Variants in ZDHHC15 observed in about 807,000 individuals in gnomAD.
ZDHHC15 encodes zDHHC palmitoyltransferase 15, also known as palmitoyltransferase ZDHHC15.
A neutral mutation model predicts 31.7 loss-of-function variants in ZDHHC15; 19 were observed. That is an observed-to-expected ratio of 0.60 (90% CI 0.42 to 0.88). The LOEUF is 0.88. Among genes scored for constraint, ZDHHC15 ranks in the 40% least tolerant of loss-of-function variants. The pLI is 0.00. For missense variants in ZDHHC15, 209 were observed against 251.2 expected, an observed-to-expected ratio of 0.83 and a Z score of 1.14; for synonymous variants, 103 against 90.0, an observed-to-expected ratio of 1.14 and a Z score of -0.82.
intron 7 of ZDHHC15, among the ~76,000 whole-genome samples, chrX:75,428,173 G>T (rs184540021): frequency 9.0e-6 from 1 of 110,944 alleles, no homozygotes; most frequent in African/African-American, 3.3e-5. Context: ...TGATATTCAG[G>T]TTCAGTTTGG....
intron 10 of ZDHHC15, among the ~76,000 whole-genome samples, chrX:75,397,991 T>C (rs1471072325): frequency 1.8e-5 from 2 of 111,855 alleles, no homozygotes; most frequent in Non-Finnish European, 3.8e-5. Flanking sequence ...CTTAGAAACT[T>C]GGGCGTTTCA....
chrX:75,513,613 C>T (rs1388048173), intron 1 of ZDHHC15, among the ~76,000 whole-genome samples: 2 of 111,498 alleles, frequency 1.8e-5, no homozygotes, highest in African/African-American at 6.5e-5. Flanking sequence ...CTCTAATATA[C>T]AGCCTATATC....
chrX:75,433,500 G>A (rs1434669841), intron 4 of ZDHHC15, among the ~76,000 whole-genome samples: 1 of 109,389 alleles, frequency 9.1e-6, no homozygotes, highest in Admixed American at 9.9e-5. Flanking sequence ...TCATAGCTTA[G>A]CTCTCACTCA....
At chrX:75,436,335 A>T (rs997234711) in intron 4 of ZDHHC15, among the ~76,000 whole-genome samples, 7 of 111,280 alleles carry the variant, frequency 6.3e-5, no homozygotes, top group Non-Finnish European at 1.1e-4. Context: ...AATTTCATTT[A>T]GTTCTGCTCT....
chrX:75,477,620 C>A (rs1225237599), intron 3 of ZDHHC15, among the ~76,000 whole-genome samples: 1 of 111,689 alleles, frequency 9.0e-6, no homozygotes, highest in Non-Finnish European at 1.9e-5. Context: ...TTCTTCGTCT[C>A]TTGTAACATT....
At chrX:75,431,847 C>A (rs1031670834) in intron 4 of ZDHHC15, among the ~76,000 whole-genome samples, 3 of 111,323 alleles carry the variant, frequency 2.7e-5, no homozygotes, top group African/African-American at 9.8e-5. Flanking sequence ...CTCTATTTAC[C>A]CCCAACTTTC....
At chrX:75,391,371 T>C (rs890631276) in intron 10 of ZDHHC15, among the ~76,000 whole-genome samples, 3 of 111,555 alleles carry the variant, frequency 2.7e-5, no homozygotes, top group Non-Finnish European at 3.8e-5. Flanking sequence ...TACAAGAAGG[T>C]GATAGAAGAC....
intron 3 of ZDHHC15, among the ~76,000 whole-genome samples, chrX:75,451,132 T>A (rs1245692405): frequency 8.9e-6 from 1 of 111,907 alleles, no homozygotes; most frequent in Non-Finnish European, 1.9e-5. Context: ...TATTTTTTAA[T>A]AAAGAAAATA....
chrX:75,492,536 G>C (rs1367272867), intron 2 of ZDHHC15, among the ~76,000 whole-genome samples: 2 of 111,462 alleles, frequency 1.8e-5, no homozygotes, highest in African/African-American at 6.5e-5. Context: ...TGGAAGTAAA[G>C]CACTCCTCGG....
intron 9 of ZDHHC15, among the ~76,000 whole-genome samples, chrX:75,420,889 C>T (rs761269526): frequency 4.5e-5 from 5 of 110,058 alleles, no homozygotes; most frequent in South Asian, 4.0e-4. Context: ...CATCATGGCA[C>T]GTGCATACCT....
chrX:75,474,582 A>AATT (rs1248107544), intron 3 of ZDHHC15, among the ~76,000 whole-genome samples: 14 of 97,416 alleles, frequency 1.4e-4, no homozygotes, highest in African/African-American at 4.4e-4. Flanking sequence ...ATACACACAC[A>AATT]CACACACACA....
At chrX:75,415,119 G>C (rs978262889) in intron 10 of ZDHHC15, among the ~76,000 whole-genome samples, 1 of 111,180 alleles carries the variant, frequency 9.0e-6, no homozygotes, top group Admixed American at 9.6e-5. Context: ...TTTGGGCTAG[G>C]AATAAAAATT....
chrX:75,409,282 G>C (rs186589687), intron 10 of ZDHHC15, among the ~76,000 whole-genome samples: 1 of 109,879 alleles, frequency 9.1e-6, no homozygotes, highest in Non-Finnish European at 1.9e-5. Context: ...ACTTGAGGCC[G>C]GGAGTTTGAG....
chrX:75,386,849 G>C (rs1475587956), intron 10 of ZDHHC15, among the ~76,000 whole-genome samples: 1 of 111,709 alleles, frequency 9.0e-6, no homozygotes, highest in East Asian at 2.8e-4. Context: ...AATAAGCTAT[G>C]CATAATTATC....
intron 4 of ZDHHC15, among the ~76,000 whole-genome samples, chrX:75,438,373 G>A (rs1602624127): frequency 1.8e-5 from 2 of 111,760 alleles, no homozygotes; most frequent in African/African-American, 6.5e-5. Context: ...ATTTAGGATT[G>A]TGATATTTTC....
intron 7 of ZDHHC15, among the ~76,000 whole-genome samples, chrX:75,428,582 A>T (rs1477438266): frequency 9.1e-6 from 1 of 110,177 alleles, no homozygotes; most frequent in Non-Finnish European, 1.9e-5. Flanking sequence ...AAACAAAAAA[A>T]CCCCTCCCCA....
chrX:75,430,094 T>C (rs760291150), intron 5 of ZDHHC15, 114 bp from the exon 6 acceptor site: 101 of 806,146 alleles, frequency 1.3e-4, no homozygotes, highest in Non-Finnish European at 1.7e-4. Flanking sequence ...TAACACCCAT[T>C]CTCAGATTTC....
intron 2 of ZDHHC15, among the ~76,000 whole-genome samples, chrX:75,505,098 C>T (rs938335690): frequency 9.0e-6 from 1 of 111,488 alleles, no homozygotes; most frequent in African/African-American, 3.3e-5. Flanking sequence ...CCACTCTGCT[C>T]TCTTGCCTCT....
chrX:75,378,225 T>C (rs968681516), intron 11 of ZDHHC15, among the ~76,000 whole-genome samples: 1 of 112,258 alleles, frequency 8.9e-6, no homozygotes, highest in Non-Finnish European at 1.9e-5. Context: ...CAGACTTGGA[T>C]AAGTGATTTA....
Sources: gnomAD v4.1 joint callset for allele counts (sites outside exome capture counted in the v4.1 genomes callset) on GRCh38, gnomAD v4.1.1 for gene constraint, MANE v1.5 for transcripts, NCBI Gene and HGNC (gene_info 2026-07-23, HGNC 2026-07-21) for gene names.